The following FAM78B variants were observed in gnomAD, a reference collection of about 807,000 sequenced individuals.
The protein encoded by FAM78B is family with sequence similarity 78 member B, also known as protein FAM78B.
FAM78B carries 10 observed loss-of-function variants against 20.0 expected under a neutral mutation model. The observed-to-expected ratio is 0.50, with a 90% CI of 0.31 to 0.85. The LOEUF (loss-of-function observed/expected upper bound fraction) is 0.85. Among genes scored for constraint, FAM78B ranks in the 40% least tolerant of loss-of-function variants. FAM78B has a pLI of 0.05. For synonymous variants in FAM78B, 135 were observed against 132.8 expected, an observed-to-expected ratio of 1.02 and a Z score of -0.12; for missense variants, 283 against 345.0, an observed-to-expected ratio of 0.82 and a Z score of 1.42.
rs532895863 is a variant in FAM78B, at chr1:166,114,541, G to A, written c.264-43778C>T. ...CCAGAACCAATTTTCAAGGAGAAAA[G>A]AAGAAATGCACTGCAAGCAAGAAAA... On this transcript the variant is annotated intron_variant, in intron 1 of 1. Coordinates refer to ENST00000354422, the MANE Select transcript of FAM78B (RefSeq NM_001017961.5). Among the ~76,000 whole-genome samples, 4 of 152,314 alleles carry A rather than the reference G, an allele frequency of 2.6e-5. No homozygotes were observed. In the East Asian group the frequency reaches 7.7e-4, roughly 29 times the overall value.
At chr1:166,076,300 C>G (rs1210099316) in intron 1 of FAM78B, among the ~76,000 whole-genome samples, 1 of 152,142 alleles carries the variant, frequency 6.6e-6, no homozygotes, top group East Asian at 1.9e-4. Flanking sequence ...CCTTTTCTCT[C>G]CCTCTTGCCC....
In FAM78B at chr1:166,073,168, T is replaced by G. The variant is rs6672167; in HGVS notation, c.264-2405A>C. On this transcript the variant is annotated intron_variant, in intron 1 of 1. Coordinates refer to ENST00000354422, the MANE Select transcript of FAM78B (RefSeq NM_001017961.5). ...CTGGAACAGAGAAATACAACAGGCT[T>G]CTTAATCATCACATCAGAACAAACA... is the stretch of plus-strand genomic sequence containing the variant. Among the ~76,000 whole-genome samples the G allele has an allele frequency of 2.0e-5, 3 of 152,096 alleles. 1 individual carries two copies. Among genetic ancestry groups the G allele is most frequent in the African/African-American group, 7.2e-5 (3 of 41,390 alleles).
rs527735304 is a variant in FAM78B at position 166,126,036 on chromosome 1, T to C, written c.263+39950A>G. On this transcript the variant is annotated intron_variant, in intron 1 of 1. Coordinates refer to ENST00000354422, the MANE Select transcript of FAM78B (RefSeq NM_001017961.5). ...TAGTAGAGACAGGGTTTCACCATGT[T>C]GGTTGGCCAGGATGGTTTCAATCTC... 9.2e-5 allele frequency among the ~76,000 whole-genome samples: 14 copies of C among 152,242 alleles called. No individual in the cohort carries two copies. In the East Asian group the frequency reaches 2.5e-3, roughly 27 times the overall value.
intron 1 of FAM78B, among the ~76,000 whole-genome samples, chr1:166,139,823 A>C (rs1304407846): frequency 6.6e-6 from 1 of 152,196 alleles, no homozygotes; most frequent in Non-Finnish European, 1.5e-5. Context: ...CAGAGAGCTG[A>C]ACCAGAGAGC....
chr1:166,127,342 C>T (rs1283942898), intron 1 of FAM78B, among the ~76,000 whole-genome samples: 1 of 152,198 alleles, frequency 6.6e-6, no homozygotes, highest in Non-Finnish European at 1.5e-5. Flanking sequence ...CACCACCAGT[C>T]CAGGAGGGAG....
chr1:166,135,430 CTGA>C (rs1487975315), intron 1 of FAM78B, among the ~76,000 whole-genome samples: 5 of 152,186 alleles, frequency 3.3e-5, no homozygotes, highest in Non-Finnish European at 7.3e-5. Context: ...AAGCATCATC[CTGA>C]TGATGATTCA....
chr1:166,103,635 T>C (rs1285618546), intron 1 of FAM78B, among the ~76,000 whole-genome samples: 1 of 151,966 alleles, frequency 6.6e-6, no homozygotes, highest in Non-Finnish European at 1.5e-5. Flanking sequence ...CACATACACC[T>C]TCCCAAGACT....
At chr1:166,127,712 T>G (rs1654695133) in intron 1 of FAM78B, among the ~76,000 whole-genome samples, 1 of 152,200 alleles carries the variant, frequency 6.6e-6, no homozygotes, top group South Asian at 2.1e-4. Flanking sequence ...AAGACAAATT[T>G]AGTTCAAAAA....
chr1:166,063,724 G>A (rs1386402289), intron 2 of FAM78B, among the ~76,000 whole-genome samples: 2 of 152,182 alleles, frequency 1.3e-5, no homozygotes, highest in African/African-American at 2.4e-5. Flanking sequence ...TCATGGCACT[G>A]GCTGTATTCC....
intron 1 of FAM78B, among the ~76,000 whole-genome samples, chr1:166,147,081 G>C (rs1233292031): frequency 6.6e-6 from 1 of 152,172 alleles, no homozygotes; most frequent in African/African-American, 2.4e-5. Context: ...CCTGATCTAG[G>C]AGGAGATAAT....
At chr1:166,124,576 G>C (rs1369930989) in intron 1 of FAM78B, among the ~76,000 whole-genome samples, 1 of 152,184 alleles carries the variant, frequency 6.6e-6, no homozygotes, top group African/African-American at 2.4e-5. Context: ...ATAAGTAGCA[G>C]AGCCAAGTTC....
At chr1:166,163,359 A>T (rs887721181) in intron 1 of FAM78B, among the ~76,000 whole-genome samples, 5 of 152,230 alleles carry the variant, frequency 3.3e-5, no homozygotes, top group Non-Finnish European at 5.9e-5. Flanking sequence ...ACTATTTCAA[A>T]TGTTCTTTTA....
intron 1 of FAM78B, among the ~76,000 whole-genome samples, chr1:166,165,463 G>C (rs948974772): frequency 6.6e-6 from 1 of 152,102 alleles, no homozygotes; most frequent in Non-Finnish European, 1.5e-5. Flanking sequence ...ACAAGGGTTC[G>C]AAACTTCAAC....
intron 1 of FAM78B, among the ~76,000 whole-genome samples, chr1:166,122,031 A>T (rs1171363565): frequency 6.6e-6 from 1 of 152,136 alleles, no homozygotes. Flanking sequence ...TCATCACATC[A>T]CCACACCTCT....
At chr1:166,127,978 G>T (rs971607374) in intron 1 of FAM78B, among the ~76,000 whole-genome samples, 6 of 152,180 alleles carry the variant, frequency 3.9e-5, no homozygotes, top group Admixed American at 3.9e-4. Context: ...TGTCAGACAA[G>T]ATATTTTGCT....
At chr1:166,161,157 C>CTT (rs201739007) in intron 1 of FAM78B, among the ~76,000 whole-genome samples, 3 of 145,444 alleles carry the variant, frequency 2.1e-5, no homozygotes, top group African/African-American at 5.0e-5. Context: ...GATTTTCTTT[C>CTT]TTTTTTTTTT....
At chr1:166,059,051 G>A (rs1161414127) in exon 3 of FAM78B, 1 of 152,658 alleles carries the variant, frequency 6.6e-6, no homozygotes, top group African/African-American at 2.4e-5. Context: ...CAAGACTGGG[G>A]CTTGGAGACA....
Position 166,148,270 on chromosome 1 carries a change from T to C in FAM78B, c.263+17716A>G, listed in dbSNP as rs184874657. ...ATTTGGCAAGAGCGATTGCAATAGTTTTGCCATGGTATGTTCAAATTATTT... is the reference window on the plus strand; with the variant it reads ...ATTTGGCAAGAGCGATTGCAATAGTCTTGCCATGGTATGTTCAAATTATTT... On this transcript the variant is annotated intron_variant, in intron 1 of 1. Transcript: ENST00000354422. Among the ~76,000 whole-genome samples, 3 of 152,356 alleles carry C rather than the reference T, an allele frequency of 2.0e-5. No homozygotes were observed. In the East Asian group the frequency reaches 5.8e-4, roughly 29 times the overall value.
At chr1:166,067,443 C>G (rs910775601), downstream of FAM78B, among the ~76,000 whole-genome samples, 1 of 151,976 alleles carries the variant, frequency 6.6e-6, no homozygotes, top group Non-Finnish European at 1.5e-5. Context: ...CCAACTAAAA[C>G]TTAATCAAGG....
Sources: gnomAD v4.1 joint callset for allele counts (sites outside exome capture counted in the v4.1 genomes callset) on GRCh38, gnomAD v4.1.1 for gene constraint, MANE v1.5 for transcripts, NCBI Gene and HGNC (gene_info 2026-07-23, HGNC 2026-07-21) for gene names.